SEM1: variants seen among roughly 807,000 people sequenced by gnomAD.
The protein encoded by SEM1 is SEM1 26S proteasome subunit.
SEM1 carries 3 observed loss-of-function variants against 12.7 expected under a neutral mutation model. That is an observed-to-expected ratio of 0.24 (90% confidence interval 0.11 to 0.61). The LOEUF is 0.61. Ranked by LOEUF, SEM1 falls within the 20% of genes least tolerant of loss-of-function variation. The pLI is 0.88. For missense variants in SEM1, 59 were observed against 81.3 expected, an observed-to-expected ratio of 0.73 and a Z score of 1.06; for synonymous variants, 30 against 27.8, an observed-to-expected ratio of 1.08 and a Z score of -0.25.
intron 2 of SEM1, among the ~76,000 whole-genome samples, chr7:96,643,813 G>T (rs550198465): frequency 7.8e-4 from 118 of 152,132 alleles, no homozygotes; most frequent in Non-Finnish European, 1.4e-3. Flanking sequence ...CAGGGGGTGG[G>T]GGGTTAGTGG....
At chr7:96,632,063 G>A (rs538092662) in intron 2 of SEM1, among the ~76,000 whole-genome samples, 202 of 152,322 alleles carry the variant, frequency 1.3e-3, no homozygotes, top group African/African-American at 4.7e-3. Flanking sequence ...AACAGATGCT[G>A]GAGGGGATGT....
At chr7:96,490,105 C>T (rs184371729) in intron 1 of SEM1, among the ~76,000 whole-genome samples, 198 of 151,968 alleles carry the variant, frequency 1.3e-3, no homozygotes, top group Middle Eastern at 0.01. Context: ...GAGTCTGGAA[C>T]AGAATGGGAT....
upstream of SEM1, among the ~76,000 whole-genome samples, chr7:96,500,028 G>C (rs1298658914): frequency 6.6e-6 from 1 of 152,064 alleles, no homozygotes; most frequent in Non-Finnish European, 1.5e-5. Context: ...ATTTAGTTTT[G>C]TGAAAGAAAA....
chr7:96,704,184 T>C (rs576998830), intron 1 of SEM1, among the ~76,000 whole-genome samples: 78 of 152,188 alleles, frequency 5.1e-4, no homozygotes, highest in South Asian at 2.3e-3. Context: ...GTATATATCG[T>C]ATGTCTTCTG....
At chr7:96,560,401 G>A (rs984185393) in intron 2 of SEM1, among the ~76,000 whole-genome samples, 1 of 151,890 alleles carries the variant, frequency 6.6e-6, no homozygotes, top group Admixed American at 6.6e-5. Flanking sequence ...AATGAGTTTT[G>A]CTTTTTTCAT....
downstream of SEM1, among the ~76,000 whole-genome samples, chr7:96,684,048 C>T (rs577535433): frequency 4.4e-4 from 67 of 152,048 alleles, no homozygotes; most frequent in South Asian, 6.6e-3. Context: ...AAAATAAGGA[C>T]GTTTGTAGGC....
At position 96,525,315 on chromosome 7, in the gene SEM1, A is replaced by G. The variant is rs182552482; in HGVS notation, c.171-18617T>C. Among the ~76,000 whole-genome samples, 907 of 151,530 alleles carry G rather than the reference A, an allele frequency of 6.0e-3. 5 individuals carry two copies. Among genetic ancestry groups the G allele is most frequent in the Non-Finnish European group, 8.4e-3 (571 of 67,930 alleles). On this transcript the variant is annotated intron_variant and NMD_transcript_variant, in intron 2 of 3. Coordinates refer to the SEM1 transcript ENST00000466986. ...CTGGGCCCTGCACCAGACCTAAAGA[A>G]TTGGAAACTCTGTGGGTGGGACCCA...
intron 2 of SEM1, among the ~76,000 whole-genome samples, chr7:96,524,911 T>A (rs1027086701): frequency 1.3e-5 from 2 of 152,154 alleles, no homozygotes; most frequent in South Asian, 4.1e-4. Flanking sequence ...CTGAATGAAA[T>A]ATCAGTTTTT....
chr7:96,695,043 A>C lies in SEM1; in HGVS notation c.77-152T>G, dbSNP rs1003948362. The C allele has an allele frequency of 9.5e-6, 5 of 526,128 alleles. No homozygotes were observed. The Admixed American group carries it at 1.3e-4, about 14-fold the overall frequency. 32.6% of individuals were successfully genotyped at this position (526,128 alleles called of 1,614,324 possible). A position where few individuals can be genotyped will look rare whatever the true frequency, so the allele number is the denominator to read the frequency against. On this transcript the variant is annotated intron_variant, in intron 1 of 2. Coordinates refer to ENST00000248566, the MANE Select transcript of SEM1 (RefSeq NM_006304.2). Reference sequence around the variant, plus strand: ...TGGTATCTTCCTTAAATCTGAGCTTATGCTGTCTAGTTCTCTCAATTCTTG... The same window carrying C: ...TGGTATCTTCCTTAAATCTGAGCTTCTGCTGTCTAGTTCTCTCAATTCTTG...
intron 2 of SEM1, among the ~76,000 whole-genome samples, chr7:96,512,097 A>G (rs879861678): frequency 8.5e-5 from 13 of 152,060 alleles, no homozygotes; most frequent in Admixed American, 4.6e-4. Flanking sequence ...GCTTTTGGAC[A>G]CTGTGCTCCT....
At chr7:96,637,874 T>G (rs1584824023) in intron 2 of SEM1, among the ~76,000 whole-genome samples, 1 of 151,972 alleles carries the variant, frequency 6.6e-6, no homozygotes, top group Non-Finnish European at 1.5e-5. Flanking sequence ...TTGTTGGACT[T>G]ATTCAGAATT....
chr7:96,574,575 C>T (rs1806144332), intron 2 of SEM1, among the ~76,000 whole-genome samples: 1 of 152,180 alleles, frequency 6.6e-6, no homozygotes, highest in Non-Finnish European at 1.5e-5. Context: ...GTTCCTATTT[C>T]TCCACATCCT....
chr7:96,509,418 A>C (rs1803862461), intron 2 of SEM1, among the ~76,000 whole-genome samples: 1 of 152,076 alleles, frequency 6.6e-6, no homozygotes, highest in South Asian at 2.1e-4. Context: ...ACAAAGACTG[A>C]AGGACTGATT....
chr7:96,574,471 A>G (rs896238723), intron 2 of SEM1, among the ~76,000 whole-genome samples: 2 of 152,224 alleles, frequency 1.3e-5, no homozygotes, highest in African/African-American at 4.8e-5. Context: ...TCACTGGGTC[A>G]AATGGTATTT....
chr7:96,704,095 G>A (rs115438273), intron 1 of SEM1, among the ~76,000 whole-genome samples: 220 of 151,386 alleles, frequency 1.5e-3, no homozygotes, highest in African/African-American at 5.0e-3. Flanking sequence ...ACACAATGAG[G>A]GCATGAGGTA....
chr7:96,594,552 GT>G (rs1189589535), intron 2 of SEM1, among the ~76,000 whole-genome samples: 2 of 152,174 alleles, frequency 1.3e-5, no homozygotes, highest in African/African-American at 2.4e-5. Flanking sequence ...AAAGCAGATT[GT>G]TTTTTATAAC....
intron 1 of SEM1, chr7:96,696,777 G>T (rs1057191381): frequency 3.3e-5 from 5 of 151,898 alleles, no homozygotes; most frequent in Admixed American, 2.6e-4. Flanking sequence ...TACAATATAT[G>T]TAAGTTACAA....
chr7:96,593,680 G>A (rs1208679168), intron 2 of SEM1, among the ~76,000 whole-genome samples: 4 of 152,232 alleles, frequency 2.6e-5, no homozygotes, highest in East Asian at 3.9e-4. Context: ...TATTGGCAAA[G>A]ACTAAAGAAA....
At chr7:96,541,018 T>C (rs1804929417) in intron 2 of SEM1, among the ~76,000 whole-genome samples, 1 of 151,854 alleles carries the variant, frequency 6.6e-6, no homozygotes, top group African/African-American at 2.4e-5. Context: ...ATATCTGCTA[T>C]TATCTGTGAA....
Sources: gnomAD v4.1 joint callset for allele counts (sites outside exome capture counted in the v4.1 genomes callset) on GRCh38, gnomAD v4.1.1 for gene constraint, MANE v1.5 for transcripts, NCBI Gene and HGNC (gene_info 2026-07-23, HGNC 2026-07-21) for gene names.